Variants in KCNH5 observed in about 807,000 individuals in gnomAD.
The protein encoded by KCNH5 is voltage-gated delayed rectifier potassium channel KCNH5.
In KCNH5, 46 loss-of-function variants were observed where a neutral mutation model predicts 96.1. The ratio of observed to expected loss-of-function variants is 0.48; its 90% confidence interval spans 0.38 to 0.61. The LOEUF (loss-of-function observed/expected upper bound fraction) is 0.61. KCNH5 is among the 20% of genes least tolerant of loss of function. The pLI, the probability that KCNH5 is intolerant of heterozygous loss-of-function variation, is 0.00. For missense variants in KCNH5, 907 were observed against 1,225.8 expected (o/e 0.74, Z 3.88); for synonymous variants, 439 against 449.8 (o/e 0.98, Z 0.30).
intron 5 of KCNH5, among the ~76,000 whole-genome samples, chr14:62,983,465 T>A (rs1041930024): frequency 3.3e-5 from 5 of 152,054 alleles, no homozygotes; most frequent in Non-Finnish European, 7.4e-5. Context: ...TATATTAATA[T>A]CACACATTCA....
chr14:63,036,502 C>CAAA (rs11444957), intron 1 of KCNH5, among the ~76,000 whole-genome samples: 2 of 139,212 alleles, frequency 1.4e-5, no homozygotes, highest in African/African-American at 2.6e-5. Context: ...ACGGGAGATA[C>CAAA]AAAAAAAAAA....
chr14:62,967,081 C>T (rs1890319067), intron 6 of KCNH5, among the ~76,000 whole-genome samples: 2 of 152,108 alleles, frequency 1.3e-5, no homozygotes, highest in African/African-American at 4.8e-5. Flanking sequence ...CTTCTAATAA[C>T]AATGCCACAG....
chr14:62,835,940 T>A (rs1002509640), intron 8 of KCNH5, among the ~76,000 whole-genome samples: 5 of 152,084 alleles, frequency 3.3e-5, no homozygotes, highest in African/African-American at 7.2e-5. Context: ...AGAATTTTTT[T>A]AAAAAGATAA....
intron 7 of KCNH5, among the ~76,000 whole-genome samples, chr14:62,882,504 T>TA (rs1311373348): frequency 1.3e-5 from 2 of 152,172 alleles, no homozygotes; most frequent in Non-Finnish European, 2.9e-5. Flanking sequence ...ATGACACTCA[T>TA]AACTGGACAG....
At chr14:62,901,588 A>G (rs2140093467) in intron 7 of KCNH5, among the ~76,000 whole-genome samples, 2 of 152,300 alleles carry the variant, frequency 1.3e-5, no homozygotes, top group South Asian at 2.1e-4. Flanking sequence ...GTAGTATTCC[A>G]TGGTAGATAT....
In KCNH5 at chr14:63,016,970, GA is replaced by G. The variant is rs768346675; in HGVS notation, c.74-17del. 6.3e-7 allele frequency: 1 copy of G among 1,585,548 alleles called. No homozygotes were observed. Among genetic ancestry groups the G allele is most frequent in the African/African-American group, 1.4e-5 (1 of 72,872 alleles). ...AAACTTGATTCTGAAGAAGAAAGGA[GA>G]AAAAAGGAGGTTATTTAGCTTAATT... On this transcript the variant is annotated splice_polypyrimidine_tract_variant and intron_variant, in intron 1 of 10. Coordinates refer to ENST00000322893, the MANE Select transcript of KCNH5 (RefSeq NM_139318.5).
chr14:62,841,901 T>C (rs999708478), intron 8 of KCNH5, among the ~76,000 whole-genome samples: 1 of 152,250 alleles, frequency 6.6e-6, no homozygotes, highest in Non-Finnish European at 1.5e-5. Context: ...CATGGACCTC[T>C]GTAAACAATC....
intron 10 of KCNH5, among the ~76,000 whole-genome samples, chr14:62,771,652 G>C (rs1203929787): frequency 6.6e-6 from 1 of 152,032 alleles, no homozygotes; most frequent in Non-Finnish European, 1.5e-5. Context: ...CTCTAAACTA[G>C]AAACTATGGA....
At chr14:62,794,713 A>C (rs190699291) in intron 9 of KCNH5, among the ~76,000 whole-genome samples, 224 of 152,208 alleles carry the variant, frequency 1.5e-3, no homozygotes, top group Middle Eastern at 6.8e-3. Flanking sequence ...TTAAAATCAA[A>C]AGGTATCTGT....
At chr14:62,718,302 A>G (rs942575415) in intron 10 of KCNH5, among the ~76,000 whole-genome samples, 1 of 152,116 alleles carries the variant, frequency 6.6e-6, no homozygotes, top group African/African-American at 2.4e-5. Context: ...ATATAATAAT[A>G]ATAATATATC....
At chr14:62,716,702 T>C (rs1884693770) in intron 10 of KCNH5, among the ~76,000 whole-genome samples, 1 of 152,128 alleles carries the variant, frequency 6.6e-6, no homozygotes, top group Non-Finnish European at 1.5e-5. Flanking sequence ...TACTTTATAG[T>C]AAAATACTAG....
intron 9 of KCNH5, among the ~76,000 whole-genome samples, chr14:62,786,875 T>C (rs2139983725): frequency 6.6e-6 from 1 of 152,264 alleles, no homozygotes; most frequent in South Asian, 2.1e-4. Flanking sequence ...ACTTAATCAA[T>C]AAATATTGTG....
At chr14:62,745,587 G>T (rs1316320209) in intron 10 of KCNH5, among the ~76,000 whole-genome samples, 7 of 152,104 alleles carry the variant, frequency 4.6e-5, no homozygotes, top group Admixed American at 4.6e-4. Flanking sequence ...AGAAGCCAGG[G>T]CCAGAGAGAC....
intron 7 of KCNH5, among the ~76,000 whole-genome samples, chr14:62,916,462 TA>T (rs1264694867): frequency 6.6e-6 from 1 of 152,210 alleles, no homozygotes; most frequent in African/African-American, 2.4e-5. Flanking sequence ...TTAATTTTAT[TA>T]GACAGAACAA....
At chr14:62,902,904 G>C (rs963087246) in intron 7 of KCNH5, among the ~76,000 whole-genome samples, 1 of 151,898 alleles carries the variant, frequency 6.6e-6, no homozygotes, top group African/African-American at 2.4e-5. Flanking sequence ...ATTTTTAGTA[G>C]AGATGGGGTT....
intron 7 of KCNH5, among the ~76,000 whole-genome samples, chr14:62,911,860 C>G (rs937147690): frequency 1.3e-4 from 19 of 151,528 alleles, no homozygotes; most frequent in Admixed American, 5.3e-4. Context: ...CATAGTAACA[C>G]CCCGTCTCTA....
At chr14:62,965,923 C>T (rs1425232624) in intron 6 of KCNH5, among the ~76,000 whole-genome samples, 1 of 152,076 alleles carries the variant, frequency 6.6e-6, no homozygotes, top group African/African-American at 2.4e-5. Flanking sequence ...CCAGTAGCAT[C>T]ATATTGAACA....
chr14:62,809,447 A>G (rs1886831231), intron 8 of KCNH5, among the ~76,000 whole-genome samples: 1 of 152,098 alleles, frequency 6.6e-6, no homozygotes. Flanking sequence ...GTCCCTTTAC[A>G]GGGTTTCTGA....
intron 7 of KCNH5, among the ~76,000 whole-genome samples, chr14:62,901,378 C>G (rs1012109054): frequency 1.3e-5 from 2 of 152,020 alleles, no homozygotes; most frequent in Non-Finnish European, 2.9e-5. Flanking sequence ...TGCCCCCTCC[C>G]TCTCTCCCCA....
Sources: allele counts gnomAD v4.1 joint callset (sites outside exome capture counted in the v4.1 genomes callset), GRCh38; gene constraint gnomAD v4.1.1; transcripts MANE v1.5; gene names NCBI Gene and HGNC (gene_info 2026-07-23, HGNC 2026-07-21).